PDGFD: variants seen among roughly 807,000 people sequenced by gnomAD.
PDGFD encodes the protein platelet-derived growth factor D.
PDGFD carries 30 observed loss-of-function variants against 44.7 expected under a neutral mutation model. That is an observed-to-expected ratio of 0.67 (90% CI 0.50 to 0.91). The LOEUF (loss-of-function observed/expected upper bound fraction) is 0.91. Ranked by LOEUF, PDGFD falls within the 40% of genes least tolerant of loss-of-function variation. The pLI is 0.00. For synonymous variants in PDGFD, 173 were observed against 168.4 expected (o/e 1.03, Z -0.21); for missense variants, 445 against 457.8 (o/e 0.97, Z 0.25).
At chr11:104,000,359 T>C (rs1025869834) in intron 1 of PDGFD, 104 bp from the exon 2 acceptor site, 1 of 1,002,856 alleles carries the variant, frequency 1.0e-6, no homozygotes, top group South Asian at 1.5e-5. Context: ...AACACTTCTT[T>C]ATTTTGCCTA....
intron 3 of PDGFD, among the ~76,000 whole-genome samples, chr11:103,989,802 A>G (rs1001672289): frequency 2.6e-5 from 4 of 152,140 alleles, no homozygotes; most frequent in African/African-American, 4.8e-5. Flanking sequence ...ATGTGTTTCA[A>G]TGCATTTTTG....
intron 1 of PDGFD, among the ~76,000 whole-genome samples, chr11:104,129,489 T>A (rs951412672): frequency 8.5e-5 from 13 of 152,142 alleles, no homozygotes; most frequent in Non-Finnish European, 1.8e-4. Flanking sequence ...GTTCTCTTTT[T>A]CATTTGTAAC....
intron 3 of PDGFD, among the ~76,000 whole-genome samples, chr11:103,981,614 T>C (rs955578497): frequency 1.3e-5 from 2 of 151,784 alleles, no homozygotes; most frequent in South Asian, 2.1e-4. Flanking sequence ...CTAGATCTCA[T>C]AGATAATACA....
At chr11:104,125,315 A>G (rs996512983) in intron 1 of PDGFD, among the ~76,000 whole-genome samples, 2 of 152,112 alleles carry the variant, frequency 1.3e-5, no homozygotes, top group Non-Finnish European at 2.9e-5. Flanking sequence ...TTATCTGATA[A>G]TAGGGCTAAA....
intron 1 of PDGFD, among the ~76,000 whole-genome samples, chr11:104,141,865 T>C (rs2119876266): frequency 6.6e-6 from 1 of 152,302 alleles, no homozygotes; most frequent in South Asian, 2.1e-4. Flanking sequence ...TTCGACATTT[T>C]TATCTTCAGA....
intron 1 of PDGFD, among the ~76,000 whole-genome samples, chr11:104,111,213 G>C (rs1056342544): frequency 6.7e-6 from 1 of 150,364 alleles, no homozygotes; most frequent in African/African-American, 2.4e-5. Flanking sequence ...CACCTGAATA[G>C]CATTAGGAAC....
intron 5 of PDGFD, among the ~76,000 whole-genome samples, chr11:103,942,161 G>C (rs528966478): frequency 1.3e-5 from 2 of 152,178 alleles, no homozygotes; most frequent in East Asian, 3.9e-4. Flanking sequence ...CAGGTTCACA[G>C]TTCTTAAAAG....
intron 3 of PDGFD, among the ~76,000 whole-genome samples, chr11:103,948,871 GAACA>G (rs1268482956): frequency 6.6e-6 from 1 of 151,260 alleles, no homozygotes; most frequent in Admixed American, 6.6e-5. Context: ...TTCAAAAAAT[GAACA>G]AATATTAGAA....
intron 1 of PDGFD, among the ~76,000 whole-genome samples, chr11:104,122,951 A>C (rs1044111168): frequency 2.0e-5 from 3 of 152,070 alleles, no homozygotes; most frequent in African/African-American, 7.2e-5. Flanking sequence ...TTATTGATGG[A>C]GGACCCTGGA....
Position 103,909,506 on chromosome 11 carries a change from G to A in PDGFD, c.*188C>T. 3.1e-6 allele frequency: 2 copies of A among 635,678 alleles called. No individual in the cohort carries two copies. Among genetic ancestry groups the A allele is most frequent in the South Asian group, 3.9e-5 (2 of 51,720 alleles). The allele number at this position is 635,678 out of a possible 1,614,324, so 39.4% of individuals were successfully genotyped here. On this transcript the variant is annotated 3_prime_UTR_variant, in exon 7 of 7. Coordinates refer to ENST00000393158, the MANE Select transcript of PDGFD (RefSeq NM_025208.5). ...ATGCAATCCTATATTCTTAGGTATA[G>A]AAGTTGATGATATACCTTTCTACTT...
intron 1 of PDGFD, among the ~76,000 whole-genome samples, chr11:104,041,518 G>GT (rs539573654): frequency 2.9e-4 from 44 of 150,400 alleles, no homozygotes; most frequent in Admixed American, 5.3e-4. Flanking sequence ...ATCATTTTCT[G>GT]TTTTTTTTTC....
intron 1 of PDGFD, among the ~76,000 whole-genome samples, chr11:104,033,171 T>C (rs113665640): frequency 3.9e-5 from 6 of 152,180 alleles, no homozygotes; most frequent in African/African-American, 1.4e-4. Flanking sequence ...GGGACAATTA[T>C]ACATATGGTA....
chr11:103,936,071 C>T (rs929408577), intron 5 of PDGFD, among the ~76,000 whole-genome samples: 1 of 152,090 alleles, frequency 6.6e-6, no homozygotes, highest in Admixed American at 6.6e-5. Flanking sequence ...ACCAAATATA[C>T]CACATGGTTC....
At chr11:103,916,190 C>T (rs530708705) in intron 6 of PDGFD, among the ~76,000 whole-genome samples, 11 of 152,106 alleles carry the variant, frequency 7.2e-5, no homozygotes, top group East Asian at 1.9e-4. Flanking sequence ...TGCAATCTAT[C>T]GATCTGACAA....
Position 103,955,546 on chromosome 11 carries a change from T to G in PDGFD, c.511-7822A>C, listed in dbSNP as rs549784408. ...CCAAAACTTAACAAGTATACTTTCT[T>G]TACAGACTCATCATCAAACTAGCTC... On this transcript the variant is annotated intron_variant, in intron 3 of 6. Transcript: ENST00000393158. 3.0e-4 allele frequency among the ~76,000 whole-genome samples: 45 copies of G among 152,350 alleles called. 1 individual carries two copies. The highest frequency in any genetic ancestry group is 9.1e-4 in the African/African-American group (38 of 41,578).
chr11:103,986,669 G>C (rs1238686282), intron 3 of PDGFD, among the ~76,000 whole-genome samples: 1 of 152,148 alleles, frequency 6.6e-6, no homozygotes, highest in South Asian at 2.1e-4. Context: ...TTTGGGAGGA[G>C]CTTAGTTTTT....
chr11:104,132,116 C>G (rs1015569655), intron 1 of PDGFD, among the ~76,000 whole-genome samples: 1 of 152,026 alleles, frequency 6.6e-6, no homozygotes, highest in African/African-American at 2.4e-5. Flanking sequence ...AGATAAAACT[C>G]TCTCTTTTTA....
chr11:104,101,724 A>C (rs142860464), intron 1 of PDGFD, among the ~76,000 whole-genome samples: 8,736 of 150,774 alleles, frequency 0.058, 472 homozygotes, highest in African/African-American at 0.13. Context: ...GGTACCAACA[A>C]AGAGATATAG....
chr11:103,967,388 T>C (rs1859036629), intron 3 of PDGFD, among the ~76,000 whole-genome samples: 1 of 152,184 alleles, frequency 6.6e-6, no homozygotes. Flanking sequence ...ATAACCCTTC[T>C]TATGTACCCC....
Sources: gnomAD v4.1 joint callset for allele counts (sites outside exome capture counted in the v4.1 genomes callset) on GRCh38, gnomAD v4.1.1 for gene constraint, MANE v1.5 for transcripts, NCBI Gene and HGNC (gene_info 2026-07-23, HGNC 2026-07-21) for gene names.